PTPN3: variants seen among roughly 807,000 people sequenced by gnomAD.
PTPN3 encodes protein tyrosine phosphatase non-receptor type 3, also known as tyrosine-protein phosphatase non-receptor type 3.
PTPN3 carries 96 observed loss-of-function variants against 132.7 expected under a neutral mutation model. The ratio of observed to expected loss-of-function variants is 0.72; its 90% CI spans 0.61 to 0.86. The LOEUF is 0.86. Ranked by LOEUF, PTPN3 falls within the 40% of genes least tolerant of loss-of-function variation. The pLI is 0.00. For synonymous variants in PTPN3, 398 were observed against 429.0 expected, an observed-to-expected ratio of 0.93 and a Z score of 0.89; for missense variants, 1,125 against 1,159.6, an observed-to-expected ratio of 0.97 and a Z score of 0.43.
At chr9:109,471,806 T>G (rs1017954081) in intron 1 of PTPN3, among the ~76,000 whole-genome samples, 4 of 152,088 alleles carry the variant, frequency 2.6e-5, no homozygotes, top group Non-Finnish European at 4.4e-5. Context: ...GCACCCAGCT[T>G]GAAGTTGCAT....
intron 2 of PTPN3, among the ~76,000 whole-genome samples, chr9:109,459,140 A>C (rs1020441048): frequency 1.3e-5 from 2 of 152,242 alleles, no homozygotes; most frequent in African/African-American, 4.8e-5. Flanking sequence ...TCCAGTTCTC[A>C]AGAGAAATTA....
In PTPN3 at chr9:109,496,498, G is replaced by T. The variant is rs141000181; in HGVS notation, c.-18+1721C>A. Among the ~76,000 whole-genome samples the T allele has an allele frequency of 2.2e-3, 336 of 152,340 alleles. 1 individual carries two copies. Among genetic ancestry groups the T allele is most frequent in the African/African-American group, 7.5e-3 (312 of 41,568 alleles). On this transcript the variant is annotated intron_variant, in intron 1 of 25. Coordinates refer to ENST00000374541, the MANE Select transcript of PTPN3 (RefSeq NM_002829.4). ...TCTACCACATACTGTGTAATTGGCT[G>T]CTCAGAGCCTCCATGTCCTCATCTG... is the stretch of plus-strand genomic sequence containing the variant.
At chr9:109,527,902 T>G in the PTPN3 span, among the ~76,000 whole-genome samples, 1 of 152,038 alleles carries the variant, frequency 6.6e-6, no homozygotes, top group East Asian at 1.9e-4. Flanking sequence ...TATAAAGAAC[T>G]CTTACAAATC....
At chr9:109,533,604 G>T in the PTPN3 span, 1 of 1,555,274 alleles carries the variant, frequency 6.4e-7, no homozygotes, top group Admixed American at 1.7e-5. Context: ...CGGAATCGTG[G>T]TCTATATCCC....
At position 109,406,505 on chromosome 9, in the gene PTPN3, C is replaced by A. The variant is rs1436075167; in HGVS notation, c.1749G>T (p.Arg583=). 1 of 1,614,072 alleles carries A rather than the reference C, an allele frequency of 6.2e-7. No individual in the cohort carries two copies. The highest frequency in any genetic ancestry group is 1.3e-5 in the African/African-American group (1 of 74,940). Residue 583 remains arginine (R), a synonymous_variant, in exon 18 of 26, where the codon CGG becomes CGT. Transcript: ENST00000374541. ...DQVVMFIKAS[R]ESHSRELALV... ...GGGCCAGCTCCCGTGAGTGGGACTC[C>A]CGGCTGGCTTTGATGAACATCACCA...
intron 19 of PTPN3, among the ~76,000 whole-genome samples, chr9:109,400,191 G>A (rs1162989316): frequency 6.6e-6 from 1 of 152,200 alleles, no homozygotes; most frequent in African/African-American, 2.4e-5. Flanking sequence ...GCCTCCCAAA[G>A]TACTGGGATT....
At chr9:109,500,046 A>C (rs895936630), upstream of PTPN3, among the ~76,000 whole-genome samples, 4 of 152,238 alleles carry the variant, frequency 2.6e-5, no homozygotes, top group Non-Finnish European at 4.4e-5. Context: ...CGGGCTCAGC[A>C]GGAGGCATTC....
At chr9:109,508,282 T>G in the PTPN3 span, among the ~76,000 whole-genome samples, 1 of 151,916 alleles carries the variant, frequency 6.6e-6, no homozygotes, top group Non-Finnish European at 1.5e-5. Context: ...TGCCTCAGCG[T>G]CCCAAGTAGC....
chr9:109,421,301 C>T (rs1842877631), intron 13 of PTPN3, among the ~76,000 whole-genome samples: 1 of 152,144 alleles, frequency 6.6e-6, no homozygotes, highest in Admixed American at 6.5e-5. Flanking sequence ...TGGGCGTCAG[C>T]TCCTGCAGCG....
chr9:109,443,092 T>TC (rs1174789347), intron 7 of PTPN3, among the ~76,000 whole-genome samples: 1 of 151,446 alleles, frequency 6.6e-6, no homozygotes, highest in Non-Finnish European at 1.5e-5. Context: ...TTTTTTTTTT[T>TC]TGAGACAGGG....
the PTPN3 span, among the ~76,000 whole-genome samples, chr9:109,507,927 C>T: frequency 6.6e-6 from 1 of 152,176 alleles, no homozygotes. Context: ...CTGAATGTCA[C>T]CCCCTGTCCA....
chr9:109,469,598 G>A (rs958455678), intron 1 of PTPN3, among the ~76,000 whole-genome samples: 1 of 152,160 alleles, frequency 6.6e-6, no homozygotes, highest in African/African-American at 2.4e-5. Flanking sequence ...CAGCCTGAGC[G>A]ACAGAGTGAG....
the PTPN3 span, among the ~76,000 whole-genome samples, chr9:109,525,703 G>A: frequency 1.3e-5 from 2 of 152,206 alleles, no homozygotes; most frequent in African/African-American, 4.8e-5. Context: ...TTCCCTCTGT[G>A]TTCAGGAAGG....
In PTPN3 at chr9:109,376,370, C is replaced by CA. The variant is rs1564359903; in HGVS notation, c.*3185dup. On this transcript the variant is annotated 3_prime_UTR_variant, in exon 26 of 26. Coordinates refer to ENST00000374541, the MANE Select transcript of PTPN3 (RefSeq NM_002829.4). ...ATGCTCATTTCTGAGGTACCCCCCC[C>CA]AGAAAAAGGTCAGGTAGCAACACAG... 1 of 152,096 alleles carries CA rather than the reference C, an allele frequency of 6.6e-6. No individual in the cohort carries two copies. The allele number at this position is 152,096 out of a possible 1,614,324, so 9.4% of individuals were successfully genotyped here. A position where few individuals can be genotyped will look rare whatever the true frequency, so the allele number is the denominator to read the frequency against.
the PTPN3 span, among the ~76,000 whole-genome samples, chr9:109,515,544 G>A: frequency 6.6e-6 from 1 of 152,132 alleles, no homozygotes; most frequent in African/African-American, 2.4e-5. Flanking sequence ...AATCCATTTT[G>A]TGTTGCTATA....
chr9:109,460,949 C>T (rs1390132721), intron 2 of PTPN3, among the ~76,000 whole-genome samples: 1 of 152,126 alleles, frequency 6.6e-6, no homozygotes, highest in Non-Finnish European at 1.5e-5. Context: ...TACTAACAAA[C>T]ATTCATGTTT....
chr9:109,537,310 C>T, the PTPN3 span, among the ~76,000 whole-genome samples: 1 of 152,152 alleles, frequency 6.6e-6, no homozygotes, highest in Non-Finnish European at 1.5e-5. Flanking sequence ...TTTCCAACCC[C>T]CTCCTCAACT....
intron 1 of PTPN3, among the ~76,000 whole-genome samples, chr9:109,490,547 G>A (rs905580831): frequency 6.6e-5 from 10 of 152,108 alleles, no homozygotes; most frequent in African/African-American, 2.4e-4. Context: ...AGACCAGCCT[G>A]ACCAACACGG....
chr9:109,478,323 A>C (rs1188068677), intron 1 of PTPN3, among the ~76,000 whole-genome samples: 2 of 152,190 alleles, frequency 1.3e-5, no homozygotes, highest in East Asian at 1.9e-4. Flanking sequence ...ACTCTTTCTC[A>C]TGATCACTAT....
Sources: allele counts gnomAD v4.1 joint callset (sites outside exome capture counted in the v4.1 genomes callset), GRCh38; gene constraint gnomAD v4.1.1; transcripts MANE v1.5; gene names NCBI Gene and HGNC (gene_info 2026-07-23, HGNC 2026-07-21).